The following SEMA5A variants were observed in gnomAD, a reference collection of about 807,000 sequenced individuals.
SEMA5A encodes the protein semaphorin-5A.
In SEMA5A, 55 loss-of-function variants were observed where a neutral mutation model predicts 135.5. That is an observed-to-expected ratio of 0.41 (90% confidence interval 0.33 to 0.51). The LOEUF (loss-of-function observed/expected upper bound fraction) is 0.51, where lower values mean the gene tolerates loss of function less well. Ranked by LOEUF, SEMA5A falls within the 20% of genes least tolerant of loss-of-function variation. The pLI is 0.37. For missense variants in SEMA5A, 1,290 were observed against 1,419.9 expected, an observed-to-expected ratio of 0.91 and a Z score of 1.47; for synonymous variants, 580 against 546.5, an observed-to-expected ratio of 1.06 and a Z score of -0.85.
At chr5:9,504,857 C>T (rs1176253556) in intron 1 of SEMA5A, among the ~76,000 whole-genome samples, 3 of 152,240 alleles carry the variant, frequency 2.0e-5, no homozygotes, top group Non-Finnish European at 4.4e-5. Context: ...GCCAAAGCAT[C>T]GGGTTCCTTT....
At chr5:9,541,933 C>T (rs1252844713) in intron 1 of SEMA5A, among the ~76,000 whole-genome samples, 1 of 152,180 alleles carries the variant, frequency 6.6e-6, no homozygotes, top group African/African-American at 2.4e-5. Context: ...ACCTATTATC[C>T]AATACCTTCT....
chr5:9,195,583 T>C (rs1437765897), intron 10 of SEMA5A, among the ~76,000 whole-genome samples: 1 of 152,188 alleles, frequency 6.6e-6, no homozygotes, highest in Non-Finnish European at 1.5e-5. Flanking sequence ...TTTCCCCCTT[T>C]GTTGATGGAA....
chr5:9,513,205 A>G (rs1044279555), intron 1 of SEMA5A, among the ~76,000 whole-genome samples: 1 of 151,892 alleles, frequency 6.6e-6, no homozygotes. Flanking sequence ...ACACAATCAC[A>G]TGAATTAAAT....
intron 1 of SEMA5A, among the ~76,000 whole-genome samples, chr5:9,439,309 T>C (rs781291721): frequency 3.3e-5 from 5 of 152,196 alleles, no homozygotes; most frequent in Non-Finnish European, 5.9e-5. Context: ...CAACAAAATA[T>C]GTTAGTTGAA....
chr5:9,460,493 TAGTATA>T (rs1289249244), intron 1 of SEMA5A, among the ~76,000 whole-genome samples: 6 of 152,074 alleles, frequency 3.9e-5, no homozygotes, highest in African/African-American at 7.2e-5. Context: ...TAAACATAAT[TAGTATA>T]AGTATATTAT....
intron 5 of SEMA5A, among the ~76,000 whole-genome samples, chr5:9,270,701 G>A (rs1028304472): frequency 5.3e-5 from 8 of 151,924 alleles, no homozygotes; most frequent in African/African-American, 1.5e-4. Flanking sequence ...TTGGGGCAGC[G>A]GGTGGGGGCA....
intron 5 of SEMA5A, among the ~76,000 whole-genome samples, chr5:9,280,009 G>A (rs2150561627): frequency 6.6e-6 from 1 of 152,288 alleles, no homozygotes; most frequent in Non-Finnish European, 1.5e-5. Context: ...CCCTTTCCAA[G>A]AAAGAGGTGA....
intron 8 of SEMA5A, among the ~76,000 whole-genome samples, chr5:9,213,999 T>C (rs1746481775): frequency 6.6e-6 from 1 of 151,590 alleles, no homozygotes; most frequent in Non-Finnish European, 1.5e-5. Flanking sequence ...ACTTGAACAG[T>C]GTGAGAAAGG....
intron 2 of SEMA5A, among the ~76,000 whole-genome samples, chr5:9,394,170 G>GC (rs1196220394): frequency 6.6e-6 from 1 of 152,036 alleles, no homozygotes; most frequent in Non-Finnish European, 1.5e-5. Flanking sequence ...CCAGGATCAA[G>GC]CCCCCAGTGG....
chr5:9,331,651 TAA>T (rs1753135182), intron 4 of SEMA5A, among the ~76,000 whole-genome samples: 1 of 152,204 alleles, frequency 6.6e-6, no homozygotes, highest in African/African-American at 2.4e-5. Flanking sequence ...AAGAATATTA[TAA>T]AAGTTTCCTC....
At chr5:9,347,209 G>A (rs1276799960) in intron 3 of SEMA5A, among the ~76,000 whole-genome samples, 1 of 152,176 alleles carries the variant, frequency 6.6e-6, no homozygotes, top group Non-Finnish European at 1.5e-5. Context: ...TGCAAGCAGT[G>A]CTTTTTCGAA....
At chr5:9,318,243 G>T in intron 5 of SEMA5A, 129 bp downstream of exon 5, 2 of 780,532 alleles carry the variant, frequency 2.6e-6, no homozygotes, top group South Asian at 4.2e-5. Context: ...CCCGTGGCCT[G>T]ACCTGCTGAG....
Position 9,196,321 on chromosome 5 carries a change from C to A in SEMA5A, c.1068+847G>T, listed in dbSNP as rs79595940. ...GGCCCTGGTCCAGTGGAGCTGGTGCCCTTACAAAACAGGAAGAGATACCCC... is the reference window on the plus strand; with the variant it reads ...GGCCCTGGTCCAGTGGAGCTGGTGCACTTACAAAACAGGAAGAGATACCCC... On this transcript the variant is annotated intron_variant, in intron 10 of 22. Transcript: ENST00000382496. Among the ~76,000 whole-genome samples, 525 of 152,146 alleles carry A rather than the reference C, an allele frequency of 3.5e-3. 2 individuals are homozygous for A. The highest frequency in any genetic ancestry group is 6.0e-3 in the Non-Finnish European group (409 of 68,008).
At chr5:9,382,301 AAAT>A (rs1315416583) in intron 2 of SEMA5A, among the ~76,000 whole-genome samples, 4 of 152,064 alleles carry the variant, frequency 2.6e-5, no homozygotes, top group African/African-American at 9.7e-5. Flanking sequence ...CTTTGTCTCT[AAAT>A]AATAATAATA....
In SEMA5A at chr5:9,045,511, A is replaced by G. The variant is rs541048659; in HGVS notation, c.2894-927T>C. Among the ~76,000 whole-genome samples, 33 of 152,326 alleles carry G rather than the reference A, an allele frequency of 2.2e-4. 1 individual carries two copies. Among genetic ancestry groups the G allele is most frequent in the African/African-American group, 6.7e-4 (28 of 41,572 alleles). On this transcript the variant is annotated intron_variant, in intron 21 of 22. Transcript: ENST00000382496. ...CTACAGGAAAAATAAATCCTTTCCT[A>G]GAGGTAACTATTATACCTAGAGGTA...
intron 1 of SEMA5A, among the ~76,000 whole-genome samples, chr5:9,468,063 A>T (rs1176343953): frequency 6.6e-6 from 1 of 152,120 alleles, no homozygotes; most frequent in African/African-American, 2.4e-5. Context: ...CGTTACTCAC[A>T]TCTTGGTAAC....
chr5:9,212,973 A>T (rs192197513), intron 8 of SEMA5A, among the ~76,000 whole-genome samples: 1 of 152,332 alleles, frequency 6.6e-6, no homozygotes, highest in East Asian at 1.9e-4. Flanking sequence ...GAGGCTGGGA[A>T]GTCTATGATC....
intron 1 of SEMA5A, among the ~76,000 whole-genome samples, chr5:9,531,533 T>C (rs1233998944): frequency 6.6e-6 from 1 of 152,138 alleles, no homozygotes; most frequent in African/African-American, 2.4e-5. Context: ...ACTCTTTCTG[T>C]CATTCACTGT....
chr5:9,067,287 C>G (rs1038742211), intron 16 of SEMA5A, among the ~76,000 whole-genome samples: 1 of 152,146 alleles, frequency 6.6e-6, no homozygotes, highest in African/African-American at 2.4e-5. Context: ...GGTAGCTGAA[C>G]ATGCAGTGGC....
Sources: allele counts gnomAD v4.1 joint callset (sites outside exome capture counted in the v4.1 genomes callset), GRCh38; gene constraint gnomAD v4.1.1; transcripts MANE v1.5; gene names NCBI Gene and HGNC (gene_info 2026-07-23, HGNC 2026-07-21).